Variants in ANKS1B observed in about 807,000 individuals in gnomAD.
ANKS1B encodes ankyrin repeat and sterile alpha motif domain containing 1B, also known as ankyrin repeat and sterile alpha motif domain-containing protein 1B.
A neutral mutation model predicts 148.3 loss-of-function variants in ANKS1B; 36 were observed. That is an observed-to-expected ratio of 0.24 (90% CI 0.19 to 0.32). The LOEUF (loss-of-function observed/expected upper bound fraction) is 0.32. Among genes scored for constraint, ANKS1B ranks in the 10% least tolerant of loss-of-function variants. The pLI, the probability that ANKS1B is intolerant of heterozygous loss-of-function variation, is 1.00. For synonymous variants in ANKS1B, 542 were observed against 560.8 expected, an observed-to-expected ratio of 0.97 and a Z score of 0.47; for missense variants, 1,157 against 1,542.6, an observed-to-expected ratio of 0.75 and a Z score of 4.19.
rs182760929 is a variant in ANKS1B at position 99,696,322 on chromosome 12, C to T, written c.1129-41112G>A. 1.3e-3 allele frequency among the ~76,000 whole-genome samples: 200 copies of T among 152,166 alleles called. 1 individual carries two copies. The highest frequency in any genetic ancestry group is 4.6e-3 in the African/African-American group (190 of 41,518). ...AAACAAAAGCTTCATATCATTCCTA[C>T]TCGATTTCAAGGTGTACTATAAAGC... On this transcript the variant is annotated intron_variant, in intron 8 of 26. Coordinates refer to ENST00000683438, the MANE Select transcript of ANKS1B (RefSeq NM_001352186.2).
chr12:99,160,014 T>C (rs1277562716), intron 14 of ANKS1B, among the ~76,000 whole-genome samples: 1 of 152,222 alleles, frequency 6.6e-6, no homozygotes, highest in Non-Finnish European at 1.5e-5. Flanking sequence ...GTTGGCCACT[T>C]GTATGTCTTC....
At chr12:99,653,363 G>C (rs1255064657) in intron 9 of ANKS1B, among the ~76,000 whole-genome samples, 2 of 152,116 alleles carry the variant, frequency 1.3e-5, no homozygotes, top group Non-Finnish European at 2.9e-5. Flanking sequence ...ATTAGGAAAT[G>C]TATTTTTACA....
At position 99,817,131 on chromosome 12, in the gene ANKS1B, T is replaced by A. The variant is rs553496343; in HGVS notation, c.216-4820A>T. On this transcript the variant is annotated intron_variant, in intron 2 of 26. Coordinates refer to ENST00000683438, the MANE Select transcript of ANKS1B (RefSeq NM_001352186.2). Reference sequence around the variant, plus strand: ...AACACTAGATCTTATTCCTTCTAACTGTATTTTTGTATTTTAATCAAATCT... The same window carrying A: ...AACACTAGATCTTATTCCTTCTAACAGTATTTTTGTATTTTAATCAAATCT... Among the ~76,000 whole-genome samples the A allele has an allele frequency of 3.6e-4, 52 of 144,648 alleles. 1 individual carries two copies. Among genetic ancestry groups the A allele is most frequent in the African/African-American group, 1.3e-3 (49 of 38,664 alleles). 94.9% of individuals were successfully genotyped at this position (144,648 alleles called of 152,430 possible).
intron 12 of ANKS1B, among the ~76,000 whole-genome samples, chr12:99,387,858 T>G (rs141502830): frequency 1.7e-5 from 2 of 120,740 alleles, no homozygotes; most frequent in African/African-American, 3.4e-5. Context: ...CCACAGTTCA[T>G]GTAAGAATTG....
chr12:99,501,349 T>C (rs530021242), intron 10 of ANKS1B, among the ~76,000 whole-genome samples: 3 of 152,258 alleles, frequency 2.0e-5, no homozygotes, highest in South Asian at 2.1e-4. Flanking sequence ...TAGAAATTAT[T>C]TGGGGCCCTG....
intron 9 of ANKS1B, among the ~76,000 whole-genome samples, chr12:99,623,479 T>C (rs955487454): frequency 6.6e-6 from 1 of 151,984 alleles, no homozygotes; most frequent in African/African-American, 2.4e-5. Context: ...TTACTGACGA[T>C]ATGATCCTAT....
At chr12:98,787,940 C>CA (rs35105574) in intron 22 of ANKS1B, among the ~76,000 whole-genome samples, 70,271 of 135,168 alleles carry the variant, frequency 0.52, 17,773 homozygotes, top group African/African-American at 0.57. Flanking sequence ...ACTCCATCTC[C>CA]AAAAAAAAAA....
chr12:99,726,532 C>CA (rs2058635542), intron 8 of ANKS1B, among the ~76,000 whole-genome samples: 1 of 152,150 alleles, frequency 6.6e-6, no homozygotes, highest in African/African-American at 2.4e-5. Flanking sequence ...CAGAAGGAAT[C>CA]ACAGCCAAAT....
At chr12:98,843,690 G>T (rs2153731656) in intron 17 of ANKS1B, among the ~76,000 whole-genome samples, 1 of 152,310 alleles carries the variant, frequency 6.6e-6, no homozygotes, top group Non-Finnish European at 1.5e-5. Context: ...GCTAAATAAA[G>T]AAGGTGTGCC....
intron 1 of ANKS1B, among the ~76,000 whole-genome samples, chr12:99,932,591 T>C (rs2094649496): frequency 6.6e-6 from 1 of 152,252 alleles, no homozygotes; most frequent in Non-Finnish European, 1.5e-5. Context: ...AAATGTCTTT[T>C]CAAATATTTT....
At chr12:99,838,764 T>A (rs1048939857) in intron 1 of ANKS1B, among the ~76,000 whole-genome samples, 1 of 152,144 alleles carries the variant, frequency 6.6e-6, no homozygotes, top group Non-Finnish European at 1.5e-5. Flanking sequence ...TGAAATTTTT[T>A]AATTTCTCTC....
chr12:99,801,542 G>C (rs768076354), intron 4 of ANKS1B, among the ~76,000 whole-genome samples: 1 of 152,158 alleles, frequency 6.6e-6, no homozygotes, highest in Admixed American at 6.5e-5. Context: ...GGGAGTTAGA[G>C]TGGCCTCAAG....
chr12:99,542,983 C>T (rs1187871640), intron 9 of ANKS1B, among the ~76,000 whole-genome samples: 4 of 152,006 alleles, frequency 2.6e-5, no homozygotes, highest in Non-Finnish European at 5.9e-5. Flanking sequence ...AATAAATAAA[C>T]TGAATTTTGT....
chr12:99,701,523 T>G (rs1180956738), intron 8 of ANKS1B, among the ~76,000 whole-genome samples: 1 of 152,166 alleles, frequency 6.6e-6, no homozygotes, highest in Non-Finnish European at 1.5e-5. Flanking sequence ...ATTCATCATT[T>G]CTTTGTGCTA....
intron 10 of ANKS1B, among the ~76,000 whole-genome samples, chr12:99,475,192 C>CCT (rs943701552): frequency 2.0e-5 from 3 of 150,552 alleles, no homozygotes; most frequent in Non-Finnish European, 4.4e-5. Context: ...TTGCAGTGAG[C>CCT]CGAGATCACA....
chr12:99,778,006 G>A (rs1238074303), intron 6 of ANKS1B, among the ~76,000 whole-genome samples: 1 of 151,568 alleles, frequency 6.6e-6, no homozygotes, highest in East Asian at 2.0e-4. Flanking sequence ...AGACCATCCT[G>A]GCTAACATCG....
intron 8 of ANKS1B, among the ~76,000 whole-genome samples, chr12:99,730,333 G>C (rs541851934): frequency 6.6e-6 from 1 of 152,230 alleles, no homozygotes; most frequent in Non-Finnish European, 1.5e-5. Context: ...TTGAGTCAAG[G>C]CTCTGGAACT....
chr12:99,001,399 G>T (rs1457799583), intron 17 of ANKS1B, among the ~76,000 whole-genome samples: 1 of 152,148 alleles, frequency 6.6e-6, no homozygotes, highest in Non-Finnish European at 1.5e-5. Flanking sequence ...AAAGTGCTGG[G>T]AATATAGGCA....
chr12:98,771,334 A>AT (rs778548768), intron 25 of ANKS1B, among the ~76,000 whole-genome samples: 3,794 of 141,242 alleles, frequency 0.027, 83 homozygotes, highest in African/African-American at 0.056. Flanking sequence ...TGTCTGGCTA[A>AT]TTTTTTTTTT....
Sources: allele counts gnomAD v4.1 joint callset (sites outside exome capture counted in the v4.1 genomes callset), GRCh38; gene constraint gnomAD v4.1.1; transcripts MANE v1.5; gene names NCBI Gene and HGNC (gene_info 2026-07-23, HGNC 2026-07-21).